The following STK3 variants were observed in gnomAD, a reference collection of about 807,000 sequenced individuals.
STK3 encodes the protein serine/threonine-protein kinase 3.
Under a neutral mutation model 58.0 loss-of-function variants are expected in STK3, and 41 were observed. That is an observed-to-expected ratio of 0.71 (90% CI 0.55 to 0.92). The LOEUF (loss-of-function observed/expected upper bound fraction) is 0.92, where lower values mean the gene tolerates loss of function less well. STK3 is among the 40% of genes least tolerant of loss of function. The pLI, the probability that STK3 is intolerant of heterozygous loss-of-function variation, is 0.00. For missense variants in STK3, 479 were observed against 602.7 expected (o/e 0.79, Z 2.15); for synonymous variants, 170 against 191.0 (o/e 0.89, Z 0.91).
Position 98,860,910 on chromosome 8 carries a change from A to G in STK3, c.110+22737T>C, listed in dbSNP as rs556892264. ...TCCCTACAATAAAATAAAATAAAAA[A>G]TTAGCCAGGTGTGGTGGTGCATGCT... On this transcript the variant is annotated intron_variant, in intron 3 of 12. Coordinates refer to the STK3 transcript ENST00000523601. Among the ~76,000 whole-genome samples the G allele has an allele frequency of 5.9e-5, 9 of 152,232 alleles. No individual in the cohort carries two copies. In the East Asian group the frequency reaches 1.4e-3, roughly 23 times the overall value.
At chr8:98,810,033 C>T (rs570990861) in intron 1 of STK3, among the ~76,000 whole-genome samples, 1 of 152,150 alleles carries the variant, frequency 6.6e-6, no homozygotes, top group Non-Finnish European at 1.5e-5. Flanking sequence ...TAGCACTTCA[C>T]ATGGCCACGT....
intron 3 of STK3, among the ~76,000 whole-genome samples, chr8:98,753,707 T>C (rs1830121251): frequency 3.3e-5 from 5 of 151,978 alleles, no homozygotes; most frequent in Admixed American, 3.3e-4. Flanking sequence ...CCATTATAAT[T>C]AAATTTTATA....
At chr8:98,823,159 A>G (rs1389592917) in intron 1 of STK3, among the ~76,000 whole-genome samples, 1 of 152,208 alleles carries the variant, frequency 6.6e-6, no homozygotes, top group African/African-American at 2.4e-5. Flanking sequence ...ACTTTTTAAT[A>G]GAAAATTTGA....
At chr8:98,851,700 C>T (rs1259956879) in intron 3 of STK3, among the ~76,000 whole-genome samples, 1 of 152,176 alleles carries the variant, frequency 6.6e-6, no homozygotes, top group African/African-American at 2.4e-5. Flanking sequence ...GTGGCTTATG[C>T]CTATAATCCC....
At chr8:98,683,586 TATG>T (rs1168235326) in intron 6 of STK3, among the ~76,000 whole-genome samples, 1 of 152,118 alleles carries the variant, frequency 6.6e-6, no homozygotes, top group African/African-American at 2.4e-5. Flanking sequence ...TCAAAATAAC[TATG>T]ATAATACACA....
Position 98,871,340 on chromosome 8 carries a change from C to T in STK3, c.110+12307G>A, listed in dbSNP as rs192177456. ...TTGGCAATGCGGGCTCTTTTTGGTT[C>T]CATATGAACTTTAAAGTAGTTTTTT... On this transcript the variant is annotated intron_variant, in intron 3 of 12. Transcript: ENST00000523601. Among the ~76,000 whole-genome samples the T allele has an allele frequency of 2.0e-3, 303 of 152,132 alleles. 1 individual carries two copies. The highest frequency in any genetic ancestry group is 3.3e-3 in the Non-Finnish European group (226 of 67,996).
At chr8:98,723,655 T>A (rs1226473240) in intron 4 of STK3, among the ~76,000 whole-genome samples, 1 of 152,164 alleles carries the variant, frequency 6.6e-6, no homozygotes, top group Non-Finnish European at 1.5e-5. Flanking sequence ...CTTATGCATA[T>A]AAAATGACGC....
intron 2 of STK3, among the ~76,000 whole-genome samples, chr8:98,376,745 G>A (rs1044612333): frequency 6.6e-6 from 1 of 152,164 alleles, no homozygotes; most frequent in Non-Finnish European, 1.5e-5. Context: ...ACTTAAGAGT[G>A]AAATATCTCT....
chr8:98,877,431 A>G (rs1587789641), intron 3 of STK3, among the ~76,000 whole-genome samples: 1 of 152,216 alleles, frequency 6.6e-6, no homozygotes, highest in African/African-American at 2.4e-5. Context: ...AAAAAAAATT[A>G]GCAGTAATAC....
chr8:98,365,956 T>C, the STK3 span, among the ~76,000 whole-genome samples: 1 of 150,738 alleles, frequency 6.6e-6, no homozygotes, highest in Non-Finnish European at 1.5e-5. Flanking sequence ...TGGTTTCCAT[T>C]TTTTTTTTGT....
At chr8:98,842,205 G>A (rs142881900) in intron 3 of STK3, among the ~76,000 whole-genome samples, 1 of 152,050 alleles carries the variant, frequency 6.6e-6, no homozygotes, top group East Asian at 1.9e-4. Context: ...AATTCTCCTT[G>A]AATTAATATA....
downstream of STK3, among the ~76,000 whole-genome samples, chr8:98,450,440 T>C (rs1030333136): frequency 2.6e-5 from 4 of 152,226 alleles, no homozygotes; most frequent in African/African-American, 9.6e-5. Flanking sequence ...CAGATGAAGA[T>C]ATTGAAACAC....
upstream of STK3, among the ~76,000 whole-genome samples, chr8:98,392,103 C>G (rs1169350821): frequency 6.6e-6 from 1 of 152,176 alleles, no homozygotes; most frequent in African/African-American, 2.4e-5. Flanking sequence ...TAAAAGAAAT[C>G]TTTCTGAGTC....
At chr8:98,414,936 A>C (rs1818097146) in intron 3 of STK3, among the ~76,000 whole-genome samples, 2 of 152,176 alleles carry the variant, frequency 1.3e-5, no homozygotes, top group African/African-American at 4.8e-5. Flanking sequence ...TTTAGAACAA[A>C]TATTTTGGAC....
At chr8:98,905,326 T>C (rs1838850664) in intron 1 of STK3, 2 of 896,368 alleles carry the variant, frequency 2.2e-6, no homozygotes. Flanking sequence ...ATGAAGTGTA[T>C]GAGGACATAA....
chr8:98,752,032 A>G (rs1830019712), intron 3 of STK3, among the ~76,000 whole-genome samples: 1 of 152,172 alleles, frequency 6.6e-6, no homozygotes, highest in Non-Finnish European at 1.5e-5. Context: ...AAAGTAATTT[A>G]TAGATTCAAT....
Position 98,825,575 on chromosome 8 carries a change from G to C in STK3, c.-35C>G. 3 of 1,442,626 alleles carry C rather than the reference G, an allele frequency of 2.1e-6. No homozygotes were observed. Among genetic ancestry groups the C allele is most frequent in the East Asian group, 3.1e-5 (1 of 31,788 alleles). The allele number at this position is 1,442,626 out of a possible 1,614,324, so 89.4% of individuals were successfully genotyped here. ...GGACAGAGAGAGGGACCTGGTGGAC[G>C]GCGAAGGCCGAAAGGAGGAAAGGAG... On this transcript the variant is annotated 5_prime_UTR_variant, in exon 1 of 11. Coordinates refer to ENST00000419617, the MANE Select transcript of STK3 (RefSeq NM_006281.4).
chr8:98,514,537 T>C (rs1027739833), intron 10 of STK3, among the ~76,000 whole-genome samples: 8 of 134,230 alleles, frequency 6.0e-5, no homozygotes, highest in African/African-American at 1.7e-4. Flanking sequence ...TCCCCCTACC[T>C]CCCCACAAAA....
At chr8:98,922,679 G>A (rs1839611427) in intron 1 of STK3, among the ~76,000 whole-genome samples, 2 of 152,226 alleles carry the variant, frequency 1.3e-5, no homozygotes, top group South Asian at 4.1e-4. Context: ...AGGCACTGCT[G>A]ATCGCTGAGT....
Sources: gnomAD v4.1 joint callset for allele counts (sites outside exome capture counted in the v4.1 genomes callset) on GRCh38, gnomAD v4.1.1 for gene constraint, MANE v1.5 for transcripts, NCBI Gene and HGNC (gene_info 2026-07-23, HGNC 2026-07-21) for gene names.